Variants in DYNC2H1 observed in about 807,000 individuals in gnomAD.
The protein encoded by DYNC2H1 is dynein cytoplasmic 2 heavy chain 1.
DYNC2H1 carries 410 observed loss-of-function variants against 570.0 expected under a neutral mutation model. That is an observed-to-expected ratio of 0.72 (90% CI 0.66 to 0.78). The LOEUF (loss-of-function observed/expected upper bound fraction) is 0.78, where lower values mean the gene tolerates loss of function less well. Among genes scored for constraint, DYNC2H1 ranks in the 30% least tolerant of loss-of-function variants. DYNC2H1 has a pLI of 0.00. For missense variants in DYNC2H1, 4,865 were observed against 5,046.4 expected, an observed-to-expected ratio of 0.96 and a Z score of 1.09; for synonymous variants, 1,688 against 1,677.6, an observed-to-expected ratio of 1.01 and a Z score of -0.15.
Position 103,204,181 on chromosome 11 carries a change from T to C in DYNC2H1, c.8311+405T>C, listed in dbSNP as rs550160825. ...GAGATCTCATGAGAGCCATTCACTA[T>C]CATGAGAATAGCATGGGAAATACCT... On this transcript the variant is annotated intron_variant, in intron 51 of 88. Transcript: ENST00000375735. The surrounding 1 kb of genome is among the most constrained non-coding windows in gnomAD (Gnocchi z 4.1). Among the ~76,000 whole-genome samples the C allele has an allele frequency of 6.6e-6, 1 of 152,234 alleles. No individual in the cohort carries two copies. The highest frequency in any genetic ancestry group is 2.1e-4 in the South Asian group (1 of 4,822).
At chr11:103,444,952 T>A (rs765168940) in intron 85 of DYNC2H1, among the ~76,000 whole-genome samples, 18 of 152,090 alleles carry the variant, frequency 1.2e-4, no homozygotes, top group South Asian at 2.1e-4. Context: ...AGTAGAAGAT[T>A]GAGAGCAAAA....
Position 103,245,440 on chromosome 11 carries a change from G to T in DYNC2H1, c.10042+66G>T, listed in dbSNP as rs1268342904. 3 of 1,481,646 alleles carry T rather than the reference G, an allele frequency of 2.0e-6. No individual in the cohort carries two copies. Among genetic ancestry groups the T allele is most frequent in the East Asian group, 5.0e-5 (2 of 39,848 alleles). The allele number at this position is 1,481,646 out of a possible 1,614,324, so 91.8% of individuals were successfully genotyped here. On this transcript the variant is annotated intron_variant, in intron 65 of 88. Transcript: ENST00000375735. The surrounding 1 kb of genome is among the most constrained non-coding windows in gnomAD (Gnocchi z 4.5). ...ATTTCCAAAGTAAGTAATTAAACCA[G>T]GTGCAAGCTTTCAAGAGTCCTCTTC...
intron 10 of DYNC2H1, 143 bp downstream of exon 10, chr11:103,121,639 A>C: frequency 2.2e-6 from 2 of 912,220 alleles, no homozygotes; most frequent in Non-Finnish European, 3.1e-6. Context: ...AATGCAGAAC[A>C]CTGAAAAAGT....
intron 75 of DYNC2H1, among the ~76,000 whole-genome samples, chr11:103,291,256 G>T (rs1866584711): frequency 6.6e-6 from 1 of 152,016 alleles, no homozygotes; most frequent in Non-Finnish European, 1.5e-5. Context: ...TGGACAACAT[G>T]GTGAAACCCT....
At chr11:103,144,777 G>C (rs939126568) in intron 18 of DYNC2H1, among the ~76,000 whole-genome samples, 1 of 152,000 alleles carries the variant, frequency 6.6e-6, no homozygotes, top group African/African-American at 2.4e-5. Flanking sequence ...TGTTCGTTAG[G>C]AAATTTAATC....
intron 78 of DYNC2H1, among the ~76,000 whole-genome samples, chr11:103,308,834 T>C (rs549536042): frequency 3.3e-4 from 51 of 152,318 alleles, no homozygotes; most frequent in African/African-American, 1.2e-3. Context: ...TTTAAAATTA[T>C]TTAATTTTTT....
chr11:103,368,645 C>T (rs1232417640), intron 83 of DYNC2H1, among the ~76,000 whole-genome samples: 1 of 152,010 alleles, frequency 6.6e-6, no homozygotes. Context: ...CATTTGAAGC[C>T]CTATTTAAAA....
At chr11:103,331,479 TG>T (rs1197949797) in intron 82 of DYNC2H1, among the ~76,000 whole-genome samples, 1 of 152,194 alleles carries the variant, frequency 6.6e-6, no homozygotes, top group African/African-American at 2.4e-5. Context: ...ATTTGAAACC[TG>T]CACTGCAAAA....
At chr11:103,172,284 A>G (rs562546534) in intron 34 of DYNC2H1, among the ~76,000 whole-genome samples, 2 of 152,118 alleles carry the variant, frequency 1.3e-5, no homozygotes, top group South Asian at 4.1e-4. Flanking sequence ...AACCAGTACT[A>G]ATCTTTTCAC....
Position 103,181,820 on chromosome 11 carries a change from T to G in DYNC2H1, c.6411T>G (p.Tyr2137Ter), listed in dbSNP as rs1314758613. Residue 2137 changes from tyrosine (Y) to a stop codon, truncating the protein, a stop_gained, in exon 40 of 89, where the codon TAT (tyrosine) becomes TAG (stop). Transcript: ENST00000375735. LOFTEE classifies it high-confidence loss of function. This position sits in a 1 kb window ranked among gnomAD's most constrained non-coding sequence, Gnocchi z 5.0. ...KSWLRNQPAE[Y>*]RNNLENWIGD... is the part of the protein sequence containing the mutation. ...GGTTGAGGAATCAGCCTGCTGAATATAGAAATAATCTTGAAAATTGGATTG... is the reference window on the plus strand; with the variant it reads ...GGTTGAGGAATCAGCCTGCTGAATAGAGAAATAATCTTGAAAATTGGATTG... 1 of 1,592,728 alleles carries G rather than the reference T, an allele frequency of 6.3e-7. No homozygotes were observed. The highest frequency in any genetic ancestry group is 8.6e-7 in the Non-Finnish European group (1 of 1,168,052).
At chr11:103,415,497 A>G (rs1326866767) in intron 84 of DYNC2H1, among the ~76,000 whole-genome samples, 1 of 152,202 alleles carries the variant, frequency 6.6e-6, no homozygotes, top group Non-Finnish European at 1.5e-5. Context: ...AAGGATATGA[A>G]CAGACACTTC....
chr11:103,362,383 A>T (rs545106324), intron 83 of DYNC2H1, among the ~76,000 whole-genome samples: 1 of 143,410 alleles, frequency 7.0e-6, no homozygotes, highest in East Asian at 2.0e-4. Context: ...ACTTCTCTCA[A>T]TGTGAAACCA....
In DYNC2H1 at chr11:103,362,312, ATTTTTTTCTTTTT is replaced by A. The variant is rs1157357255; in HGVS notation, c.12156+3974_12156+3986del. ...ACATTCCTGCTTCTTAAATATATTA[ATTTTTTTCTTTTT>A]TTTTTTTCTTTTTTTTTTTTTTTTA... On this transcript the variant is annotated intron_variant, in intron 83 of 88. Transcript: ENST00000375735. Among the ~76,000 whole-genome samples, 568 of 131,242 alleles carry A rather than the reference ATTTTTTTCTTTTT, an allele frequency of 4.3e-3. 2 individuals carry two copies. Among genetic ancestry groups the A allele is most frequent in the Non-Finnish European group, 7.0e-3 (446 of 63,592 alleles). 86.1% of individuals were successfully genotyped at this position (131,242 alleles called of 152,430 possible).
chr11:103,421,971 G>T (rs1290666152), intron 84 of DYNC2H1, among the ~76,000 whole-genome samples: 2 of 143,674 alleles, frequency 1.4e-5, no homozygotes, highest in Admixed American at 7.0e-5. Context: ...AAAGAGAGAA[G>T]AATCTAATAA....
intron 11 of DYNC2H1, 84 bp downstream of exon 11, chr11:103,123,084 C>G (rs982411569): frequency 8.8e-5 from 102 of 1,160,528 alleles, no homozygotes; most frequent in Non-Finnish European, 1.0e-4. Flanking sequence ...TATCTTTTTC[C>G]TTTCTCCAAA....
intron 24 of DYNC2H1, 33 bp from the exon 25 acceptor site, chr11:103,155,298 C>T (rs1034235995): frequency 6.5e-7 from 1 of 1,548,790 alleles, no homozygotes; most frequent in African/African-American, 1.5e-5. Context: ...TATGTGTATA[C>T]ATATGACTTT....
At chr11:103,240,715 G>A (rs912533220) in intron 63 of DYNC2H1, among the ~76,000 whole-genome samples, 3 of 152,088 alleles carry the variant, frequency 2.0e-5, no homozygotes, top group Admixed American at 1.3e-4. Flanking sequence ...TATACCAGCT[G>A]GTTCCTTGTC....
intron 87 of DYNC2H1, among the ~76,000 whole-genome samples, chr11:103,468,189 A>G (rs1646246385): frequency 6.6e-6 from 1 of 152,054 alleles, no homozygotes; most frequent in Non-Finnish European, 1.5e-5. Context: ...ACTTTATTCT[A>G]TTCCTTAAAA....
At chr11:103,444,636 AC>A (rs951319735) in intron 85 of DYNC2H1, among the ~76,000 whole-genome samples, 1 of 152,194 alleles carries the variant, frequency 6.6e-6, no homozygotes, top group African/African-American at 2.4e-5. Flanking sequence ...GGGGCTAGAG[AC>A]AAGTGGGTTG....
Sources: allele counts gnomAD v4.1 joint callset (sites outside exome capture counted in the v4.1 genomes callset), GRCh38; gene constraint gnomAD v4.1.1; non-coding constraint Gnocchi (gnomAD v3.1); transcripts MANE v1.5; gene names NCBI Gene and HGNC (gene_info 2026-07-23, HGNC 2026-07-21).